KREMEN1: variants seen among roughly 807,000 people sequenced by gnomAD.
KREMEN1 encodes kringle containing transmembrane protein 1.
A neutral mutation model predicts 46.5 loss-of-function variants in KREMEN1; 30 were observed. The observed-to-expected ratio is 0.65, with a 90% CI of 0.48 to 0.88. The LOEUF (loss-of-function observed/expected upper bound fraction) is 0.88, where lower values mean the gene tolerates loss of function less well. Ranked by LOEUF, KREMEN1 falls within the 40% of genes least tolerant of loss-of-function variation. The pLI is 0.00. For missense variants in KREMEN1, 533 were observed against 596.9 expected, an observed-to-expected ratio of 0.89 and a Z score of 1.11; for synonymous variants, 214 against 230.6, an observed-to-expected ratio of 0.93 and a Z score of 0.65.
At position 29,125,270 on chromosome 22, in the gene KREMEN1, G is replaced by A; in HGVS notation, c.485G>A (p.Gly162Glu). The A allele has an allele frequency of 1.5e-5, 25 of 1,614,116 alleles. No homozygotes were observed. Among genetic ancestry groups the A allele is most frequent in the Non-Finnish European group, 2.1e-5 (25 of 1,179,994 alleles). The change falls in exon 5 of 9, where the codon GGG becomes GAG. Residue 162 changes from glycine to glutamate, a missense_variant. Coordinates refer to ENST00000400335, the MANE Select transcript of KREMEN1 (RefSeq NM_001039570.3). ...GCTTCTCTGTTGTGGCAGTTTGCTG[G>A]GATGGAGTCAGGCTATGCTTGCTTC... ...FCRSQRFKFA[G>E]MESGYACFCG...
At chr22:29,115,842 G>A (rs1291464362) in intron 3 of KREMEN1, among the ~76,000 whole-genome samples, 1 of 152,174 alleles carries the variant, frequency 6.6e-6, no homozygotes, top group Admixed American at 6.5e-5. Context: ...AAACCCGGAG[G>A]CCAGAGAGCA....
chr22:29,094,870 C>T (rs966372547), intron 2 of KREMEN1, among the ~76,000 whole-genome samples: 2 of 152,064 alleles, frequency 1.3e-5, no homozygotes, highest in African/African-American at 4.8e-5. Context: ...GTGATCCGCC[C>T]GCCTCAGCCT....
At chr22:29,090,912 C>T (rs79194480) in intron 1 of KREMEN1, among the ~76,000 whole-genome samples, 1 of 152,360 alleles carries the variant, frequency 6.6e-6, no homozygotes, top group Non-Finnish European at 1.5e-5. Context: ...GAAGCCTGCA[C>T]TTTCCCATTT....
At chr22:29,094,022 G>A (rs1450668312) in intron 1 of KREMEN1, among the ~76,000 whole-genome samples, 1 of 152,156 alleles carries the variant, frequency 6.6e-6, no homozygotes, top group African/African-American at 2.4e-5. Flanking sequence ...GTATACTTTA[G>A]GGGAAAATGT....
In KREMEN1 at chr22:29,098,904, G is replaced by A. The variant is rs779917139; in HGVS notation, c.303G>A (p.Glu101=). ...TGAGCCCCTGGTGCTATGTGGCAGA[G>A]CACGAGGATGGTGTCTACTGGAAGT... ...GDVSPWCYVA[E]HEDGVYWKYC... Residue 101 remains glutamate (E), a synonymous_variant, in exon 3 of 9, where the codon GAG becomes GAA. Transcript: ENST00000400335. 2.5e-6 allele frequency: 4 copies of A among 1,614,176 alleles called. No individual in the cohort carries two copies. The South Asian group carries it at 3.3e-5, about 13-fold the overall frequency.
At chr22:29,152,720 C>G (rs1169124404) in intron 9 of KREMEN1, among the ~76,000 whole-genome samples, 2 of 151,878 alleles carry the variant, frequency 1.3e-5, no homozygotes, top group African/African-American at 2.4e-5. Context: ...TTTCCTCTCT[C>G]TAAAGACAGG....
At chr22:29,139,022 A>C (rs1348767786) in intron 7 of KREMEN1, among the ~76,000 whole-genome samples, 1 of 152,222 alleles carries the variant, frequency 6.6e-6, no homozygotes, top group South Asian at 2.1e-4. Flanking sequence ...CCTTTTGTAC[A>C]TTGTGACTAA....
intron 1 of KREMEN1, among the ~76,000 whole-genome samples, chr22:29,079,788 A>C (rs1379013057): frequency 6.6e-6 from 1 of 152,234 alleles, no homozygotes; most frequent in South Asian, 2.1e-4. Flanking sequence ...ATGGCTGTAC[A>C]TGTGCCTTAG....
At chr22:29,116,230 GAA>G (rs1159766704) in intron 3 of KREMEN1, among the ~76,000 whole-genome samples, 1 of 152,214 alleles carries the variant, frequency 6.6e-6, no homozygotes, top group African/African-American at 2.4e-5. Context: ...GGTAAGCCTA[GAA>G]ATGGAGATAG....
downstream of KREMEN1, among the ~76,000 whole-genome samples, chr22:29,149,983 GA>G (rs1394293706): frequency 1.3e-5 from 2 of 152,236 alleles, no homozygotes; most frequent in East Asian, 3.8e-4. Flanking sequence ...ATGCGTGCCT[GA>G]AACTGCAGAC....
chr22:29,121,579 G>C, intron 4 of KREMEN1, 98 bp downstream of exon 4: 1 of 1,289,786 alleles, frequency 7.8e-7, no homozygotes, highest in African/African-American at 1.5e-5. Flanking sequence ...AAATAAGCCA[G>C]ACACAAAAGG....
intron 2 of KREMEN1, 104 bp downstream of exon 2, chr22:29,094,524 AC>A (rs2037850636): frequency 1.1e-6 from 1 of 872,670 alleles, no homozygotes; most frequent in South Asian, 1.8e-5. Flanking sequence ...CTTTTGACCA[AC>A]TCAAGAGACT....
rs767935243 is a variant in KREMEN1, at chr22:29,137,368, T to C, written c.658T>C (p.Tyr220His). 5.3e-6 allele frequency: 8 copies of C among 1,502,414 alleles called. No individual in the cohort carries two copies. The allele number at this position is 1,502,414 out of a possible 1,614,324, so 93.1% of individuals were successfully genotyped here. The change falls in exon 6 of 9, where the codon TAC becomes CAC. Residue 220 changes from tyrosine (Y) to histidine (H), a missense_variant. Coordinates refer to ENST00000400335, the MANE Select transcript of KREMEN1 (RefSeq NM_001039570.3). ...DTLVGACGGN[Y>H]SAMSSVVYSP... ...TCTCGTGGGCGCCTGCGGTGGGAAC[T>C]ACTCAGCCATGTCTTCTGTGGTCTA...
In KREMEN1 at chr22:29,145,640, TC is replaced by T; in HGVS notation, c.*3532del. 1 of 985,508 alleles carries T rather than the reference TC, an allele frequency of 1.0e-6. No homozygotes were observed. The highest frequency in any genetic ancestry group is 1.1e-4 in the East Asian group (1 of 8,810). The allele number at this position is 985,508 out of a possible 1,614,324, so 61.0% of individuals were successfully genotyped here. A position where few individuals can be genotyped will look rare whatever the true frequency, so the allele number is the denominator to read the frequency against. ...CGGGAGGCACACGGTGCCCTGTTCT[TC>T]CCCGTTTGTCCAGTTGCTTGCAAAG... On this transcript the variant is annotated 3_prime_UTR_variant, in exon 9 of 9. Transcript: ENST00000400335.
At chr22:29,117,956 A>G (rs2038270529) in intron 3 of KREMEN1, among the ~76,000 whole-genome samples, 1 of 152,214 alleles carries the variant, frequency 6.6e-6, no homozygotes, top group African/African-American at 2.4e-5. Context: ...TCTGCGGGTC[A>G]GGAAATGTGG....
intron 1 of KREMEN1, among the ~76,000 whole-genome samples, chr22:29,078,153 A>G (rs2037601006): frequency 6.6e-6 from 1 of 152,140 alleles, no homozygotes; most frequent in Non-Finnish European, 1.5e-5. Flanking sequence ...TAGCTACTCA[A>G]GAGGCTGAGG....
chr22:29,114,737 C>G (rs982666041), intron 3 of KREMEN1, among the ~76,000 whole-genome samples: 1 of 152,092 alleles, frequency 6.6e-6, no homozygotes, highest in African/African-American at 2.4e-5. Context: ...GACAAATTAA[C>G]TATTAAAGTC....
At chr22:29,119,909 T>G (rs1242710404) in intron 3 of KREMEN1, among the ~76,000 whole-genome samples, 5 of 152,204 alleles carry the variant, frequency 3.3e-5, no homozygotes, top group Non-Finnish European at 5.9e-5. Flanking sequence ...TGTGATAGAT[T>G]ATCCAGGTGA....
intron 5 of KREMEN1, among the ~76,000 whole-genome samples, chr22:29,133,642 C>G (rs1190974228): frequency 6.9e-6 from 1 of 145,010 alleles, no homozygotes; most frequent in African/African-American, 2.5e-5. Context: ...GGTGTGTCTT[C>G]TTTGTCTGTT....
Sources: gnomAD v4.1 joint callset for allele counts (sites outside exome capture counted in the v4.1 genomes callset) on GRCh38, gnomAD v4.1.1 for gene constraint, MANE v1.5 for transcripts, NCBI Gene and HGNC (gene_info 2026-07-23, HGNC 2026-07-21) for gene names.